RNF220: variants seen among roughly 807,000 people sequenced by gnomAD.
RNF220 encodes the protein ring finger protein 220.
A neutral mutation model predicts 67.1 loss-of-function variants in RNF220; 7 were observed. The ratio of observed to expected loss-of-function variants is 0.10; its 90% CI spans 0.06 to 0.20. The LOEUF is 0.20. RNF220 is among the 10% of genes least tolerant of loss of function. The pLI is 1.00. For missense variants in RNF220, 565 were observed against 740.3 expected, an observed-to-expected ratio of 0.76 and a Z score of 2.75; for synonymous variants, 270 against 283.2, an observed-to-expected ratio of 0.95 and a Z score of 0.47.
intron 2 of RNF220, among the ~76,000 whole-genome samples, chr1:44,510,937 C>T (rs186008124): frequency 1.3e-5 from 2 of 152,188 alleles, no homozygotes; most frequent in East Asian, 1.9e-4. Context: ...GTTGTTGCTC[C>T]GAGGTCTAGG....
At chr1:44,471,989 G>A (rs371745802) in intron 2 of RNF220, among the ~76,000 whole-genome samples, 3 of 151,826 alleles carry the variant, frequency 2.0e-5, no homozygotes, top group East Asian at 1.9e-4. Context: ...TTTGTGTCTA[G>A]CTTGTTTCTC....
In RNF220 at chr1:44,650,387, G is replaced by C. The variant is rs770121657; in HGVS notation, c.1630-317G>C. ...GCCCGGAGACAGTAATAAAAGGCTC[G>C]GACGTGGGCTCTGTGTCCTGATCAA... On this transcript the variant is annotated intron_variant, in intron 14 of 14. Coordinates refer to ENST00000361799, the MANE Select transcript of RNF220 (RefSeq NM_018150.4). The surrounding 1 kb of genome is among the most constrained non-coding windows in gnomAD (Gnocchi z 4.3). 2.0e-5 allele frequency: 9 copies of C among 449,424 alleles called. No individual in the cohort carries two copies. The highest frequency in any genetic ancestry group is 1.1e-4 in the South Asian group (4 of 34,948). 27.8% of individuals were successfully genotyped at this position (449,424 alleles called of 1,614,324 possible).
chr1:44,503,953 G>A (rs915700101), intron 2 of RNF220, among the ~76,000 whole-genome samples: 6 of 152,082 alleles, frequency 3.9e-5, no homozygotes, highest in East Asian at 1.9e-4. Context: ...GGGTTCAAGC[G>A]ATTCTCCTGA....
chr1:44,536,920 T>G (rs1415184079), intron 2 of RNF220, among the ~76,000 whole-genome samples: 2 of 152,116 alleles, frequency 1.3e-5, no homozygotes, highest in African/African-American at 4.8e-5. Flanking sequence ...TGATATGAAA[T>G]GGCAGAGCAA....
intron 2 of RNF220, among the ~76,000 whole-genome samples, chr1:44,577,060 C>T (rs1035945263): frequency 6.6e-6 from 1 of 152,198 alleles, no homozygotes. Context: ...AGAGCAGAGG[C>T]TGATACAGCA....
intron 2 of RNF220, among the ~76,000 whole-genome samples, chr1:44,449,764 A>T (rs1183042826): frequency 6.6e-6 from 1 of 152,160 alleles, no homozygotes; most frequent in African/African-American, 2.4e-5. Context: ...ACATACACTT[A>T]TGTGACATCT....
Position 44,649,834 on chromosome 1 carries a change from AGGGT to A in RNF220, c.1555-45_1555-42del. ...TCCACGCCCTCTGGGGGAGTTGGAG[AGGGT>A]GGGCCTACCTCAGAGTGACCCCTTC... On this transcript the variant is annotated intron_variant, in intron 13 of 14. Coordinates refer to ENST00000361799, the MANE Select transcript of RNF220 (RefSeq NM_018150.4). The surrounding 1 kb of genome is among the most constrained non-coding windows in gnomAD (Gnocchi z 5.9). 1 of 1,613,454 alleles carries A rather than the reference AGGGT, an allele frequency of 6.2e-7. No individual in the cohort carries two copies. The highest frequency in any genetic ancestry group is 8.5e-7 in the Non-Finnish European group (1 of 1,179,538).
intron 2 of RNF220, among the ~76,000 whole-genome samples, chr1:44,456,480 A>G (rs1653192497): frequency 6.6e-6 from 1 of 152,204 alleles, no homozygotes; most frequent in South Asian, 2.1e-4. Context: ...AAAAAGTTGC[A>G]CTATTTAAGA....
intron 2 of RNF220, among the ~76,000 whole-genome samples, chr1:44,485,005 T>C (rs960993143): frequency 3.9e-5 from 6 of 152,138 alleles, no homozygotes; most frequent in Admixed American, 3.9e-4. Flanking sequence ...TAGCTGGGCA[T>C]GGTGGCACGT....
intron 2 of RNF220, among the ~76,000 whole-genome samples, chr1:44,574,395 C>T (rs1448475983): frequency 2.6e-5 from 4 of 152,164 alleles, no homozygotes; most frequent in Non-Finnish European, 4.4e-5. Context: ...AAGTCCAGAA[C>T]ACATGTTTAT....
At chr1:44,518,536 C>T (rs2148146899) in intron 2 of RNF220, among the ~76,000 whole-genome samples, 1 of 152,194 alleles carries the variant, frequency 6.6e-6, no homozygotes, top group Admixed American at 6.5e-5. Context: ...TCAGGCAGTG[C>T]ATGGTATTCC....
At chr1:44,646,245 C>G (rs1284690390) in intron 12 of RNF220, among the ~76,000 whole-genome samples, 1 of 152,264 alleles carries the variant, frequency 6.6e-6, no homozygotes, top group Non-Finnish European at 1.5e-5. Context: ...TGCCTCCTGC[C>G]AGGAGAGTGG....
At chr1:44,483,682 C>T (rs567497131) in intron 2 of RNF220, among the ~76,000 whole-genome samples, 6 of 152,170 alleles carry the variant, frequency 3.9e-5, no homozygotes, top group Middle Eastern at 3.4e-3. Context: ...GAGAACATAG[C>T]GGTGGCAGGC....
chr1:44,469,513 G>A (rs1572599965), intron 2 of RNF220, among the ~76,000 whole-genome samples: 2 of 152,308 alleles, frequency 1.3e-5, no homozygotes, highest in Middle Eastern at 6.8e-3. Context: ...TTGGGACACA[G>A]TCCCAGATCT....
intron 2 of RNF220, among the ~76,000 whole-genome samples, chr1:44,468,330 T>A (rs904293025): frequency 3.3e-4 from 50 of 152,236 alleles, no homozygotes; most frequent in African/African-American, 1.2e-3. Flanking sequence ...TTTGGCAATA[T>A]CTATCAGCTC....
At position 44,566,944 on chromosome 1, in the gene RNF220, G is replaced by A. The variant is rs187411871; in HGVS notation, c.626-47221G>A. Reference sequence around the variant, plus strand: ...AAAGCTGAGCCAGCCTCGTTATACCGGCCCAGGCCCTTGCCCCTGCCAAGG... The same window carrying A: ...AAAGCTGAGCCAGCCTCGTTATACCAGCCCAGGCCCTTGCCCCTGCCAAGG... On this transcript the variant is annotated intron_variant, in intron 2 of 14. Coordinates refer to ENST00000361799, the MANE Select transcript of RNF220 (RefSeq NM_018150.4). Among the ~76,000 whole-genome samples, 16 of 152,284 alleles carry A rather than the reference G, an allele frequency of 1.1e-4. No individual in the cohort carries two copies. The East Asian group carries it at 2.3e-3, about 22-fold the overall frequency.
At chr1:44,612,918 G>T (rs1414183462) in intron 2 of RNF220, among the ~76,000 whole-genome samples, 1 of 152,226 alleles carries the variant, frequency 6.6e-6, no homozygotes, top group Non-Finnish European at 1.5e-5. Flanking sequence ...GGAAGAAGAA[G>T]AAGGAAGGAA....
chr1:44,472,922 G>A (rs1654944395), intron 2 of RNF220, among the ~76,000 whole-genome samples: 1 of 152,162 alleles, frequency 6.6e-6, no homozygotes, highest in Admixed American at 6.5e-5. Context: ...CTTGCCTTTT[G>A]CTTCTCGGCA....
At chr1:44,436,430 G>T (rs1159270239) in intron 2 of RNF220, among the ~76,000 whole-genome samples, 1 of 150,952 alleles carries the variant, frequency 6.6e-6, no homozygotes, top group Non-Finnish European at 1.5e-5. Flanking sequence ...GAGCAAAAGA[G>T]AGAATAAAAA....
Sources: gnomAD v4.1 joint callset for allele counts (sites outside exome capture counted in the v4.1 genomes callset) on GRCh38, gnomAD v4.1.1 for gene constraint, Gnocchi (gnomAD v3.1) non-coding constraint, MANE v1.5 for transcripts, NCBI Gene and HGNC (gene_info 2026-07-23, HGNC 2026-07-21) for gene names.